Variants in NECAP2 observed in about 807,000 individuals in gnomAD.
NECAP2 encodes adaptin ear-binding coat-associated protein 2.
Under a neutral mutation model 37.8 loss-of-function variants are expected in NECAP2, and 38 were observed. The ratio of observed to expected loss-of-function variants is 1.01; its 90% confidence interval spans 0.78 to 1.32. The LOEUF is 1.32. NECAP2 is among the 40% of genes most tolerant of loss of function. The pLI is 0.00. For missense variants in NECAP2, 316 were observed against 334.5 expected (o/e 0.94, Z 0.43); for synonymous variants, 121 against 127.7 (o/e 0.95, Z 0.35).
chr1:16,443,453 C>T (rs893304950), intron 1 of NECAP2, among the ~76,000 whole-genome samples, 179 bp from the exon 2 acceptor site: 4 of 152,210 alleles, frequency 2.6e-5, no homozygotes, highest in Non-Finnish European at 5.9e-5. Context: ...CTACAGCAGC[C>T]GAGCTGCCTT....
chr1:16,446,620 C>T (rs2086767467), intron 2 of NECAP2, among the ~76,000 whole-genome samples: 2 of 151,940 alleles, frequency 1.3e-5, no homozygotes, highest in Admixed American at 6.6e-5. Context: ...TCTCAGCTCA[C>T]TGCAGCCTCC....
Position 16,455,894 on chromosome 1 carries a change from GT to G in NECAP2, c.743+2del. ...GGGGAGACTTTACCAAATCTACAGG[GT>G]AAGGAGGGCCATGTTCTGCGGAGGG... On this transcript the variant is annotated splice_donor_variant, in intron 7 of 7. Coordinates refer to ENST00000337132, the MANE Select transcript of NECAP2 (RefSeq NM_018090.5). LOFTEE classifies it high-confidence loss of function. 1 of 1,613,546 alleles carries G rather than the reference GT, an allele frequency of 6.2e-7. No individual in the cohort carries two copies. The highest frequency in any genetic ancestry group is 8.5e-7 in the Non-Finnish European group (1 of 1,179,494).
intron 5 of NECAP2, 112 bp from the exon 6 acceptor site, chr1:16,451,726 G>T: frequency 9.7e-7 from 1 of 1,031,054 alleles, no homozygotes; most frequent in Non-Finnish European, 1.5e-6. Context: ...ACCATCTTTT[G>T]GTTACACAGA....
Position 16,459,441 on chromosome 1 carries a change from T to A in NECAP2, c.*551T>A, listed in dbSNP as rs1407786216. 1 of 152,844 alleles carries A rather than the reference T, an allele frequency of 6.5e-6. No homozygotes were observed. The highest frequency in any genetic ancestry group is 1.5e-5 in the Non-Finnish European group (1 of 68,504). 9.5% of individuals were successfully genotyped at this position (152,844 alleles called of 1,614,324 possible). On this transcript the variant is annotated 3_prime_UTR_variant, in exon 8 of 8. Transcript: ENST00000337132. ...GGAAATTGGAAGGATTAGCAGCTTTTAAAAATGTTTAAATATTTTGCTTTG... is the reference window on the plus strand; with the variant it reads ...GGAAATTGGAAGGATTAGCAGCTTTAAAAAATGTTTAAATATTTTGCTTTG...
At chr1:16,455,914 C>T (rs373193934) in intron 7 of NECAP2, 21 bp downstream of exon 7, 62 of 1,600,406 alleles carry the variant, frequency 3.9e-5, no homozygotes, top group Middle Eastern at 1.7e-4. Context: ...CCATGTTCTG[C>T]GGAGGGGCTG....
At chr1:16,446,024 C>T (rs1282625316) in intron 2 of NECAP2, among the ~76,000 whole-genome samples, 1 of 151,522 alleles carries the variant, frequency 6.6e-6, no homozygotes, top group Non-Finnish European at 1.5e-5. Context: ...GCCTGACCAA[C>T]ACGGAGAAAC....
chr1:16,454,093 CTT>C (rs972819788), intron 6 of NECAP2, among the ~76,000 whole-genome samples: 1 of 151,884 alleles, frequency 6.6e-6, no homozygotes, highest in Non-Finnish European at 1.5e-5. Flanking sequence ...GTTTTTTGCT[CTT>C]GTTGCCCAGG....
chr1:16,441,689 G>T (rs961697261), intron 1 of NECAP2: 7 of 152,216 alleles, frequency 4.6e-5, no homozygotes, highest in African/African-American at 1.7e-4. Flanking sequence ...GGCCTGGGTG[G>T]CTCTTGAAGG....
intron 1 of NECAP2, among the ~76,000 whole-genome samples, chr1:16,441,949 A>G (rs987756253): frequency 6.6e-6 from 1 of 150,440 alleles, no homozygotes; most frequent in African/African-American, 2.4e-5. Context: ...CAAACCATTG[A>G]TGGTCGTCTA....
intron 7 of NECAP2, 120 bp from the exon 8 acceptor site, chr1:16,458,722 C>A (rs1005203763): frequency 4.9e-6 from 5 of 1,023,390 alleles, no homozygotes; most frequent in Non-Finnish European, 7.3e-6. Context: ...GACTGCTGCT[C>A]TAGAACATTT....
rs914883851 is a variant in NECAP2 at position 16,447,759 on chromosome 1, T to G, written c.194-111T>G. ...AATCCCACAGTAAGGTTTGCCGATCTGTCTCAGCTGGTTAGAGATGCCTTG... is the reference window on the plus strand; with the variant it reads ...AATCCCACAGTAAGGTTTGCCGATCGGTCTCAGCTGGTTAGAGATGCCTTG... On this transcript the variant is annotated intron_variant, in intron 2 of 7. Transcript: ENST00000337132. 15 of 792,158 alleles carry G rather than the reference T, an allele frequency of 1.9e-5. No homozygotes were observed. The South Asian group carries it at 2.2e-4, about 12-fold the overall frequency. The allele number at this position is 792,158 out of a possible 1,614,324, so 49.1% of individuals were successfully genotyped here. A position where few individuals can be genotyped will look rare whatever the true frequency, so the allele number is the denominator to read the frequency against.
At chr1:16,448,480 C>T (rs960435279) in intron 4 of NECAP2, 1 of 335,124 alleles carries the variant, frequency 3.0e-6, no homozygotes, top group African/African-American at 2.1e-5. Context: ...CCAGGGCACC[C>T]AGCAGATGCC....
In NECAP2 at chr1:16,443,702, G is replaced by GC. The variant is rs775057685; in HGVS notation, c.165dup (p.Tyr56LeufsTer59). 6.2e-7 allele frequency: 1 copy of GC among 1,613,062 alleles called. No homozygotes were observed. Among genetic ancestry groups the GC allele is most frequent in the South Asian group, 1.1e-5 (1 of 90,604 alleles). Reference sequence around the variant, plus strand: ...GAGGATCACTGCAAAGGGACAGATGGCCTACATCAAGCTGGAGGACAGGAC... The same window carrying GC: ...GAGGATCACTGCAAAGGGACAGATGGCCCTACATCAAGCTGGAGGACAGGAC... On this transcript the variant is annotated frameshift_variant, in exon 2 of 8. Transcript: ENST00000337132. LOFTEE classifies it high-confidence loss of function.
Position 16,448,142 on chromosome 1 carries a change from G to A in NECAP2, c.380+1G>A. The A allele has an allele frequency of 6.2e-7, 1 of 1,613,810 alleles. No individual in the cohort carries two copies. Among genetic ancestry groups the A allele is most frequent in the Non-Finnish European group, 8.5e-7 (1 of 1,179,762 alleles). ...ATGTTGCATTGCAGGACCATTTCAAGTGAGTGGGTCTGGGAGACACACGCT... is the reference window on the plus strand; with the variant it reads ...ATGTTGCATTGCAGGACCATTTCAAATGAGTGGGTCTGGGAGACACACGCT... On this transcript the variant is annotated splice_donor_variant, in intron 4 of 7. Coordinates refer to ENST00000337132, the MANE Select transcript of NECAP2 (RefSeq NM_018090.5). LOFTEE classifies it high-confidence loss of function.
At chr1:16,450,488 GCTTT>G (rs1261691607) in intron 5 of NECAP2, 2 of 176,406 alleles carry the variant, frequency 1.1e-5, no homozygotes, top group African/African-American at 4.8e-5. Context: ...TTAAGCTGCT[GCTTT>G]CCTTACAAGT....
intron 3 of NECAP2, 39 bp downstream of exon 3, chr1:16,448,013 GT>G (rs756455467): frequency 6.2e-7 from 1 of 1,614,004 alleles, no homozygotes. Context: ...CTTGGGAAAG[GT>G]TTTCTCTGCC....
intron 7 of NECAP2, among the ~76,000 whole-genome samples, chr1:16,458,222 G>T (rs1366994453): frequency 2.0e-5 from 3 of 152,276 alleles, no homozygotes; most frequent in Non-Finnish European, 4.4e-5. Context: ...AAATCAGTCA[G>T]ATTTGCTTCA....
chr1:16,452,582 A>AG (rs2086861324), intron 6 of NECAP2, among the ~76,000 whole-genome samples: 1 of 152,140 alleles, frequency 6.6e-6, no homozygotes, highest in South Asian at 2.1e-4. Flanking sequence ...AGGTGTGCCA[A>AG]GGTGAGTGGT....
intron 2 of NECAP2, among the ~76,000 whole-genome samples, chr1:16,447,513 C>T (rs1332578733): frequency 1.3e-5 from 2 of 152,110 alleles, no homozygotes; most frequent in African/African-American, 4.8e-5. Flanking sequence ...ACTCAGGGTT[C>T]AGGTAATATA....
Sources: gnomAD v4.1 joint callset for allele counts (sites outside exome capture counted in the v4.1 genomes callset) on GRCh38, gnomAD v4.1.1 for gene constraint, MANE v1.5 for transcripts, NCBI Gene and HGNC (gene_info 2026-07-23, HGNC 2026-07-21) for gene names.